GABRB1: variants seen among roughly 807,000 people sequenced by gnomAD.
GABRB1 encodes gamma-aminobutyric acid receptor subunit beta-1.
A neutral mutation model predicts 51.6 loss-of-function variants in GABRB1; 17 were observed. The observed-to-expected ratio is 0.33, with a 90% CI of 0.23 to 0.49. The LOEUF is 0.49. Ranked by LOEUF, GABRB1 falls within the 20% of genes least tolerant of loss-of-function variation. The pLI is 0.99. For synonymous variants in GABRB1, 247 were observed against 218.9 expected (o/e 1.13, Z -1.14); for missense variants, 410 against 600.6 (o/e 0.68, Z 3.32).
rs531525794 is a variant in GABRB1 at position 47,398,142 on chromosome 4, C to T, written c.545-5176C>T. ...AATTTATTACTGGATAATTTTGTCTCTATTTTTAACTGGTCCTTTTCATCT... is the reference window on the plus strand; with the variant it reads ...AATTTATTACTGGATAATTTTGTCTTTATTTTTAACTGGTCCTTTTCATCT... On this transcript the variant is annotated intron_variant, in intron 5 of 8. Coordinates refer to ENST00000295454, the MANE Select transcript of GABRB1 (RefSeq NM_000812.4). Among the ~76,000 whole-genome samples the T allele has an allele frequency of 3.3e-5, 5 of 152,178 alleles. No individual in the cohort carries two copies. The South Asian group carries it at 1.0e-3, about 32-fold the overall frequency.
At chr4:47,277,413 C>G (rs10020723) in intron 4 of GABRB1, among the ~76,000 whole-genome samples, 152,143 of 152,200 alleles carry the variant, frequency 1, 76,044 homozygotes, top group Middle Eastern at 1. Context: ...TGGGTACCAA[C>G]AAAATAGAAA....
chr4:47,315,361 A>G (rs1052971398), intron 4 of GABRB1, among the ~76,000 whole-genome samples: 1 of 152,058 alleles, frequency 6.6e-6, no homozygotes, highest in African/African-American at 2.4e-5. Flanking sequence ...AATGGCTATT[A>G]TTAGAAAGTA....
chr4:47,060,461 A>G (rs543046324), intron 3 of GABRB1, among the ~76,000 whole-genome samples: 2 of 152,294 alleles, frequency 1.3e-5, no homozygotes, highest in East Asian at 3.9e-4. Flanking sequence ...CTGTACTTGC[A>G]TTGGTAAGAC....
At chr4:47,086,698 C>T (rs1728091879) in intron 3 of GABRB1, among the ~76,000 whole-genome samples, 1 of 152,290 alleles carries the variant, frequency 6.6e-6, no homozygotes, top group Admixed American at 6.5e-5. Flanking sequence ...TTATATCACT[C>T]TTATTTCATT....
chr4:47,254,163 C>G (rs765002618), intron 4 of GABRB1, among the ~76,000 whole-genome samples: 1 of 151,930 alleles, frequency 6.6e-6, no homozygotes, highest in Non-Finnish European at 1.5e-5. Context: ...AAGGTTGAGT[C>G]CTACCGTTTC....
chr4:47,056,759 A>T (rs1032751386), intron 3 of GABRB1, among the ~76,000 whole-genome samples: 2 of 152,166 alleles, frequency 1.3e-5, no homozygotes, highest in African/African-American at 2.4e-5. Context: ...CAAACAGGGA[A>T]AGGAGAAATG....
chr4:47,324,182 C>T (rs904943238), intron 5 of GABRB1, among the ~76,000 whole-genome samples: 1 of 152,098 alleles, frequency 6.6e-6, no homozygotes, highest in Non-Finnish European at 1.5e-5. Flanking sequence ...CTCTCATTTT[C>T]ACTTATCTTC....
At chr4:47,378,066 G>C (rs1019557109) in intron 5 of GABRB1, among the ~76,000 whole-genome samples, 1 of 152,214 alleles carries the variant, frequency 6.6e-6, no homozygotes, top group Non-Finnish European at 1.5e-5. Flanking sequence ...TTGGGTGGTC[G>C]ATGGGACTGG....
chr4:47,338,203 T>A (rs1725766922), intron 5 of GABRB1, among the ~76,000 whole-genome samples: 1 of 152,224 alleles, frequency 6.6e-6, no homozygotes. Context: ...GCTCTGGAGC[T>A]GACTGATGAC....
intron 4 of GABRB1, among the ~76,000 whole-genome samples, chr4:47,213,651 T>G (rs909351624): frequency 6.6e-6 from 1 of 152,082 alleles, no homozygotes; most frequent in Non-Finnish European, 1.5e-5. Context: ...TTTCTTTTGC[T>G]TCATGGTAGG....
At chr4:47,311,959 T>C (rs1724703718) in intron 4 of GABRB1, among the ~76,000 whole-genome samples, 1 of 151,956 alleles carries the variant, frequency 6.6e-6, no homozygotes, top group Non-Finnish European at 1.5e-5. Context: ...AGACTACTGT[T>C]CCAATAATGC....
chr4:47,403,239 A>AT lies in GABRB1; in HGVS notation c.545-74dup, dbSNP rs574247655. The AT allele has an allele frequency of 3.0e-4, 461 of 1,527,820 alleles. 3 individuals carry two copies. The East Asian group carries it at 8.2e-3, about 27-fold the overall frequency. The allele number at this position is 1,527,820 out of a possible 1,614,324, so 94.6% of individuals were successfully genotyped here. On this transcript the variant is annotated intron_variant, in intron 5 of 8. Transcript: ENST00000295454. ...CCACCTTACCACTTTTGTGCTGGGAATTTTTCCTCTAGCTCCCAGATGGTA... is the reference window on the plus strand; with the variant it reads ...CCACCTTACCACTTTTGTGCTGGGAATTTTTTCCTCTAGCTCCCAGATGGTA...
chr4:47,288,243 CTATTAT>C (rs34976412), intron 4 of GABRB1, among the ~76,000 whole-genome samples: 61 of 148,204 alleles, frequency 4.1e-4, no homozygotes, highest in Middle Eastern at 3.5e-3. Flanking sequence ...GGGCTTATTA[CTATTAT>C]TATTATTATT....
chr4:47,032,946 G>T (rs1049546841), intron 3 of GABRB1: 5 of 352,602 alleles, frequency 1.4e-5, no homozygotes, highest in Non-Finnish European at 2.3e-5. Flanking sequence ...CCCTGCCACC[G>T]AGAGCACAGT....
In GABRB1 at chr4:47,032,463, C is replaced by T. The variant is rs151171426; in HGVS notation, c.219C>T (p.Asp73=). The change falls in exon 3 of 9, where the codon GAC becomes GAT. Residue 73 remains aspartate, a synonymous_variant. Coordinates refer to ENST00000295454, the MANE Select transcript of GABRB1 (RefSeq NM_000812.4). The part of the protein sequence containing the change: ...VGMRIDVASI[D]MVSEVNMDYT... The stretch of plus-strand genomic sequence containing the variant: ...TGCGGATCGATGTCGCCAGCATAGA[C>T]ATGGTCTCCGAAGTGAATATGGTGA... 2.5e-6 allele frequency: 4 copies of T among 1,611,918 alleles called. No individual in the cohort carries two copies. In the African/African-American group the frequency reaches 5.3e-5, roughly 22 times the overall value.
At chr4:47,183,624 T>A (rs530315748) in intron 4 of GABRB1, among the ~76,000 whole-genome samples, 25 of 151,828 alleles carry the variant, frequency 1.6e-4, no homozygotes, top group Admixed American at 9.9e-4. Context: ...TATAAATACC[T>A]TCTTTTCCTT....
Position 47,221,117 on chromosome 4 carries a change from A to G in GABRB1, c.461+59648A>G, listed in dbSNP as rs1286627513. ...ATTCTTACAAAAGAAATTTTATTTT[A>G]CCTCATAGCTATTTACATTTCTAAA... On this transcript the variant is annotated intron_variant, in intron 4 of 8. Coordinates refer to ENST00000295454, the MANE Select transcript of GABRB1 (RefSeq NM_000812.4). Among the ~76,000 whole-genome samples, 5 of 151,984 alleles carry G rather than the reference A, an allele frequency of 3.3e-5. No homozygotes were observed. In the South Asian group the frequency reaches 6.2e-4, roughly 19 times the overall value.
At chr4:47,315,936 C>T (rs1229405179) in intron 4 of GABRB1, among the ~76,000 whole-genome samples, 1 of 151,754 alleles carries the variant, frequency 6.6e-6, no homozygotes, top group Admixed American at 6.6e-5. Context: ...CTATTGGATA[C>T]TATGACTATT....
chr4:47,181,723 A>T (rs1316252496), intron 4 of GABRB1, among the ~76,000 whole-genome samples: 1 of 152,064 alleles, frequency 6.6e-6, no homozygotes, highest in Non-Finnish European at 1.5e-5. Context: ...TGTTGTAATG[A>T]TTAGCATTCT....
Sources: gnomAD v4.1 joint callset for allele counts (sites outside exome capture counted in the v4.1 genomes callset) on GRCh38, gnomAD v4.1.1 for gene constraint, MANE v1.5 for transcripts, NCBI Gene and HGNC (gene_info 2026-07-23, HGNC 2026-07-21) for gene names.